The following SDC2 variants were observed in gnomAD, a reference collection of about 807,000 sequenced individuals.
SDC2 encodes syndecan 2.
Under a neutral mutation model 22.2 loss-of-function variants are expected in SDC2, and 13 were observed. The observed-to-expected ratio is 0.59, with a 90% confidence interval of 0.38 to 0.93. SDC2 has a LOEUF of 0.93. SDC2 is among the 40% of genes least tolerant of loss of function. The pLI is 0.00. For missense variants in SDC2, 235 were observed against 246.8 expected (o/e 0.95, Z 0.32); for synonymous variants, 94 against 92.8 (o/e 1.01, Z -0.07).
chr8:96,534,537 C>T (rs545623378), intron 1 of SDC2, among the ~76,000 whole-genome samples: 11 of 152,228 alleles, frequency 7.2e-5, no homozygotes, highest in South Asian at 6.2e-4. Context: ...AGGGCTCAAG[C>T]GATCCTCCCA....
chr8:96,551,561 G>T (rs1814028117), intron 1 of SDC2, among the ~76,000 whole-genome samples: 2 of 152,154 alleles, frequency 1.3e-5, no homozygotes, highest in Non-Finnish European at 2.9e-5. Context: ...CTCCAGTCCA[G>T]TGGAACCTGG....
At chr8:96,585,853 G>GTTTTTTTTT (rs199970598) in intron 1 of SDC2, among the ~76,000 whole-genome samples, 1 of 145,422 alleles carries the variant, frequency 6.9e-6, no homozygotes, top group African/African-American at 2.6e-5. Flanking sequence ...CTGGCAAGAG[G>GTTTTTTTTT]TTTTTTTTTT....
intron 1 of SDC2, among the ~76,000 whole-genome samples, chr8:96,529,915 C>T (rs874643): frequency 0.8 from 121,009 of 151,940 alleles, 49,221 homozygotes; most frequent in African/African-American, 0.9. Context: ...TCTAGTTCCT[C>T]AGGCATTACC....
chr8:96,532,677 CTG>C (rs1191925874), intron 1 of SDC2, among the ~76,000 whole-genome samples: 1 of 152,056 alleles, frequency 6.6e-6, no homozygotes, highest in African/African-American at 2.4e-5. Flanking sequence ...AAAAAACACA[CTG>C]TGAGGGAAAG....
At chr8:96,606,537 A>G (rs895495191) in intron 3 of SDC2, among the ~76,000 whole-genome samples, 7 of 152,228 alleles carry the variant, frequency 4.6e-5, no homozygotes, top group Admixed American at 6.5e-5. Flanking sequence ...CCAGCTACAT[A>G]GTGCCCTGTA....
At chr8:96,527,366 A>T (rs930311794) in intron 1 of SDC2, among the ~76,000 whole-genome samples, 2 of 151,920 alleles carry the variant, frequency 1.3e-5, no homozygotes, top group Non-Finnish European at 2.9e-5. Context: ...ATCATAGGAG[A>T]CTCCTAATCC....
Position 96,559,175 on chromosome 8 carries a change from T to C in SDC2, c.61-34305T>C, listed in dbSNP as rs559500772. On this transcript the variant is annotated intron_variant, in intron 1 of 4. Coordinates refer to ENST00000302190, the MANE Select transcript of SDC2 (RefSeq NM_002998.4). Reference sequence around the variant, plus strand: ...TTGCCATATTTGACACAAGGGCCGATGGTGGCTGTGTGGGGTGTGATGACA... The same window carrying C: ...TTGCCATATTTGACACAAGGGCCGACGGTGGCTGTGTGGGGTGTGATGACA... 1.6e-3 allele frequency among the ~76,000 whole-genome samples: 243 copies of C among 152,268 alleles called. 1 individual carries two copies. The highest frequency in any genetic ancestry group is 9.6e-4 in the Non-Finnish European group (65 of 68,028).
chr8:96,595,948 C>T (rs1346351658), intron 2 of SDC2, among the ~76,000 whole-genome samples: 1 of 152,210 alleles, frequency 6.6e-6, no homozygotes, highest in Admixed American at 6.5e-5. Flanking sequence ...GAAAGAGCTT[C>T]GTTCTTGACT....
chr8:96,593,826 G>A (rs1164383117), intron 2 of SDC2, among the ~76,000 whole-genome samples: 2 of 152,192 alleles, frequency 1.3e-5, no homozygotes, highest in Non-Finnish European at 2.9e-5. Context: ...AGTAACAATA[G>A]TCCTTACCAT....
At chr8:96,498,581 C>T (rs552433538) in intron 1 of SDC2, among the ~76,000 whole-genome samples, 2 of 152,222 alleles carry the variant, frequency 1.3e-5, no homozygotes, top group East Asian at 3.9e-4. Context: ...ACCACCACCT[C>T]CCAGGTTCAA....
chr8:96,606,082 C>G (rs1815074187), intron 3 of SDC2, among the ~76,000 whole-genome samples: 1 of 152,174 alleles, frequency 6.6e-6, no homozygotes, highest in Non-Finnish European at 1.5e-5. Flanking sequence ...GTAGGAAGCT[C>G]TCAGGAACTT....
chr8:96,594,650 TC>T (rs1356339498), intron 2 of SDC2, among the ~76,000 whole-genome samples: 2 of 152,190 alleles, frequency 1.3e-5, no homozygotes, highest in South Asian at 2.1e-4. Context: ...GATGAATATT[TC>T]CCCTGTTCTC....
At chr8:96,504,107 A>C (rs965218958) in intron 1 of SDC2, among the ~76,000 whole-genome samples, 1 of 152,242 alleles carries the variant, frequency 6.6e-6, no homozygotes, top group Non-Finnish European at 1.5e-5. Context: ...ATGCAGAAAA[A>C]GCATCTGACC....
chr8:96,608,352 T>G lies in SDC2; in HGVS notation c.324T>G (p.Asp108Glu). Residue 108 changes from aspartate (D) to glutamate (E), a missense_variant, in exon 4 of 5, where the codon GAT becomes GAG. Physicochemically the swap from Asp to Glu is conservative, Grantham distance 45. Transcript: ENST00000302190. The stretch of plus-strand genomic sequence containing the variant: ...CATACCAGTCACCTGAAGAAACTGA[T>G]AAAGAGAAAGTTCACCTCTCTGACT... ...PAQTKSPEET[D>E]KEKVHLSDSE... 6.2e-7 allele frequency: 1 copy of G among 1,613,198 alleles called. No individual in the cohort carries two copies. The highest frequency in any genetic ancestry group is 8.5e-7 in the Non-Finnish European group (1 of 1,179,456).
chr8:96,557,641 G>A (rs1356415525), intron 1 of SDC2, among the ~76,000 whole-genome samples: 2 of 152,048 alleles, frequency 1.3e-5, no homozygotes, highest in Non-Finnish European at 2.9e-5. Flanking sequence ...GGGGGGAGTG[G>A]GGAGGGTTAG....
intron 1 of SDC2, among the ~76,000 whole-genome samples, chr8:96,571,647 A>G (rs1586306509): frequency 1.3e-5 from 2 of 152,242 alleles, no homozygotes; most frequent in Middle Eastern, 3.4e-3. Flanking sequence ...ATTGGTGGGT[A>G]CCCTAAAGAC....
chr8:96,581,953 G>A (rs1017511097), intron 1 of SDC2, among the ~76,000 whole-genome samples: 2 of 152,142 alleles, frequency 1.3e-5, no homozygotes, highest in Non-Finnish European at 2.9e-5. Context: ...TCTAAAATGC[G>A]TTTGCTTTGA....
At chr8:96,503,300 G>A (rs1247022929) in intron 1 of SDC2, among the ~76,000 whole-genome samples, 2 of 152,148 alleles carry the variant, frequency 1.3e-5, no homozygotes, top group Non-Finnish European at 2.9e-5. Context: ...CAACCCAAGT[G>A]TACAATAATA....
chr8:96,557,623 G>C (rs756581470), intron 1 of SDC2, among the ~76,000 whole-genome samples: 3 of 151,824 alleles, frequency 2.0e-5, no homozygotes, highest in Non-Finnish European at 2.9e-5. Context: ...TGGGGACTGT[G>C]GTGGGGTGGG....
Sources: allele counts gnomAD v4.1 joint callset (sites outside exome capture counted in the v4.1 genomes callset), GRCh38; gene constraint gnomAD v4.1.1; transcripts MANE v1.5; gene names NCBI Gene and HGNC (gene_info 2026-07-23, HGNC 2026-07-21).